LYPLAL1: variants seen among roughly 807,000 people sequenced by gnomAD.
LYPLAL1 encodes lysophospholipase-like protein 1.
A neutral mutation model predicts 19.7 loss-of-function variants in LYPLAL1; 23 were observed. That is an observed-to-expected ratio of 1.17 (90% CI 0.84 to 1.65). The LOEUF (loss-of-function observed/expected upper bound fraction) is 1.65. Ranked by LOEUF, LYPLAL1 falls within the 40% of genes most tolerant of loss-of-function variation. The probability of loss-of-function intolerance (pLI) is 0.00; values close to 1 mark genes in which losing one functional copy is unlikely to be tolerated. For missense variants in LYPLAL1, 355 were observed against 279.4 expected (o/e 1.27, Z -1.93); for synonymous variants, 119 against 96.3 (o/e 1.24, Z -1.38).
the LYPLAL1 span, among the ~76,000 whole-genome samples, chr1:219,341,128 C>T: frequency 5.9e-5 from 9 of 152,038 alleles, no homozygotes; most frequent in Non-Finnish European, 1.2e-4. Flanking sequence ...ATCATAAAAC[C>T]CACAGACTTA....
the LYPLAL1 span, chr1:219,410,057 A>G: frequency 1.3e-5 from 2 of 152,174 alleles, no homozygotes; most frequent in African/African-American, 4.8e-5. Flanking sequence ...TGTATTGCTT[A>G]TTTTTCAGAA....
chr1:219,207,977 T>C (rs947158301), intron 3 of LYPLAL1, among the ~76,000 whole-genome samples: 1 of 152,044 alleles, frequency 6.6e-6, no homozygotes, highest in Admixed American at 6.6e-5. Flanking sequence ...TCTCACTCTT[T>C]GCTCAAATCC....
At chr1:219,321,687 A>G in the LYPLAL1 span, among the ~76,000 whole-genome samples, 1 of 152,184 alleles carries the variant, frequency 6.6e-6, no homozygotes, top group African/African-American at 2.4e-5. Flanking sequence ...CCATCAAAAT[A>G]AGGAGGTAGT....
At chr1:219,250,989 A>C in the LYPLAL1 span, among the ~76,000 whole-genome samples, 1 of 152,090 alleles carries the variant, frequency 6.6e-6, no homozygotes, top group Non-Finnish European at 1.5e-5. Flanking sequence ...CTTTCCAATA[A>C]TAGCCATTCT....
At chr1:219,419,614 C>CGAGAG in the LYPLAL1 span, among the ~76,000 whole-genome samples, 1 of 69,886 alleles carries the variant, frequency 1.4e-5, no homozygotes, top group African/African-American at 5.9e-5. Flanking sequence ...GAGAGAGAGA[C>CGAGAG]AAATGTGCTT....
the LYPLAL1 span, among the ~76,000 whole-genome samples, chr1:219,400,880 C>T: frequency 6.6e-6 from 1 of 152,156 alleles, no homozygotes; most frequent in South Asian, 2.1e-4. Flanking sequence ...TATTAAAAAG[C>T]ATGCTGGAAA....
At position 219,211,613 on chromosome 1, in the gene LYPLAL1, C is replaced by T. The variant is rs1339231455; in HGVS notation, c.599C>T (p.Thr200Ile). 6.2e-7 allele frequency: 1 copy of T among 1,613,260 alleles called. No homozygotes were observed. Among genetic ancestry groups the T allele is most frequent in the Non-Finnish European group, 8.5e-7 (1 of 1,179,486 alleles). Reference sequence around the variant, plus strand: ...TCAATGTTAAAATCTCTAGGAGTGACCACGAAGTTTCATAGTTTTCCAAAT... The same window carrying T: ...TCAATGTTAAAATCTCTAGGAGTGATCACGAAGTTTCATAGTTTTCCAAAT... ...TNSMLKSLGV[T>I]TKFHSFPNVY... Residue 200 changes from threonine (T) to isoleucine (I), a missense_variant, in exon 5 of 5, where the codon ACC becomes ATC. Thr to Ile is a moderately conservative substitution (Grantham distance 89). Transcript: ENST00000366928.
At chr1:219,293,566 C>T in the LYPLAL1 span, among the ~76,000 whole-genome samples, 2 of 152,092 alleles carry the variant, frequency 1.3e-5, no homozygotes, top group Non-Finnish European at 2.9e-5. Flanking sequence ...AAGAAATTCA[C>T]ATTGAAATTA....
the LYPLAL1 span, among the ~76,000 whole-genome samples, chr1:219,360,098 CAT>C: frequency 1.3e-5 from 2 of 152,298 alleles, no homozygotes; most frequent in African/African-American, 2.4e-5. Context: ...TGTCTCTCCA[CAT>C]GTTAAGAAAA....
At chr1:219,429,525 G>A in the LYPLAL1 span, among the ~76,000 whole-genome samples, 1 of 152,116 alleles carries the variant, frequency 6.6e-6, no homozygotes, top group Admixed American at 6.6e-5. Flanking sequence ...ACCCATGGTG[G>A]CACACACCTG....
the LYPLAL1 span, among the ~76,000 whole-genome samples, chr1:219,444,088 CATT>C: frequency 6.6e-6 from 1 of 152,042 alleles, no homozygotes; most frequent in African/African-American, 2.4e-5. Flanking sequence ...TTCTCATCAA[CATT>C]ATAAGGAAAT....
At chr1:219,229,161 T>TA in the LYPLAL1 span, among the ~76,000 whole-genome samples, 1 of 151,838 alleles carries the variant, frequency 6.6e-6, no homozygotes, top group Admixed American at 6.6e-5. Flanking sequence ...AGGAGAGGTA[T>TA]GTAAATATTT....
chr1:219,212,615 TAA>T lies in LYPLAL1; in HGVS notation c.*888_*889del, dbSNP rs1229660351. The T allele has an allele frequency of 3.3e-5, 5 of 152,060 alleles. No individual in the cohort carries two copies. Among genetic ancestry groups the T allele is most frequent in the Non-Finnish European group, 5.9e-5 (4 of 67,928 alleles). 9.4% of individuals were successfully genotyped at this position (152,060 alleles called of 1,614,324 possible). ...ATTTTATTTGATCCTCACAACTGTT[TAA>T]GTTTTATTAAATATACATTATCCCT... On this transcript the variant is annotated 3_prime_UTR_variant, in exon 5 of 5. Transcript: ENST00000366928.
the LYPLAL1 span, among the ~76,000 whole-genome samples, chr1:219,300,948 G>C: frequency 1.3e-5 from 2 of 151,656 alleles, no homozygotes; most frequent in Admixed American, 1.3e-4. Flanking sequence ...ATTTTCAGTA[G>C]TGGTGGCATG....
At chr1:219,228,669 T>G in the LYPLAL1 span, among the ~76,000 whole-genome samples, 1 of 152,014 alleles carries the variant, frequency 6.6e-6, no homozygotes, top group Admixed American at 6.6e-5. Flanking sequence ...ACTTTATTTA[T>G]TTTATTTTGT....
chr1:219,322,841 G>T, the LYPLAL1 span, among the ~76,000 whole-genome samples: 1 of 152,266 alleles, frequency 6.6e-6, no homozygotes, highest in South Asian at 2.1e-4. Flanking sequence ...TGCAGTAAAG[G>T]GAAATTAGAA....
chr1:219,426,594 G>T, the LYPLAL1 span, among the ~76,000 whole-genome samples: 2 of 151,554 alleles, frequency 1.3e-5, no homozygotes, highest in African/African-American at 4.9e-5. Flanking sequence ...AACCCATCAG[G>T]TAGGTACTTT....
At chr1:219,425,863 A>C in the LYPLAL1 span, among the ~76,000 whole-genome samples, 2 of 152,218 alleles carry the variant, frequency 1.3e-5, no homozygotes, top group East Asian at 3.8e-4. Context: ...GTAGCCTACA[A>C]AGAGAAAAAA....
the LYPLAL1 span, among the ~76,000 whole-genome samples, chr1:219,247,483 A>C: frequency 6.6e-6 from 1 of 152,160 alleles, no homozygotes; most frequent in Non-Finnish European, 1.5e-5. Context: ...TGGGCACTGC[A>C]TACTTCTTAA....
Sources: gnomAD v4.1 joint callset for allele counts (sites outside exome capture counted in the v4.1 genomes callset) on GRCh38, gnomAD v4.1.1 for gene constraint, MANE v1.5 for transcripts, NCBI Gene and HGNC (gene_info 2026-07-23, HGNC 2026-07-21) for gene names.